CFAP100: variants seen among roughly 807,000 people sequenced by gnomAD.
CFAP100 encodes the protein cilia- and flagella-associated protein 100.
CFAP100 carries 70 observed loss-of-function variants against 81.5 expected under a neutral mutation model. The observed-to-expected ratio is 0.86, with a 90% CI of 0.71 to 1.05. The LOEUF (loss-of-function observed/expected upper bound fraction) is 1.05, where lower values mean the gene tolerates loss of function less well. Ranked by LOEUF, CFAP100 falls within the 50% of genes least tolerant of loss-of-function variation. The probability of loss-of-function intolerance (pLI) is 0.00; values close to 1 mark genes in which losing one functional copy is unlikely to be tolerated. For synonymous variants in CFAP100, 341 were observed against 314.8 expected (o/e 1.08, Z -0.88); for missense variants, 811 against 776.5 (o/e 1.04, Z -0.53).
intron 15 of CFAP100, among the ~76,000 whole-genome samples, chr3:126,435,247 T>C (rs1326252880): frequency 2.6e-5 from 4 of 152,058 alleles, no homozygotes; most frequent in Non-Finnish European, 4.4e-5. Flanking sequence ...GCCATGGGTG[T>C]AGATTCAGAG....
chr3:126,423,077 C>T (rs2083357625), intron 11 of CFAP100, among the ~76,000 whole-genome samples: 1 of 152,202 alleles, frequency 6.6e-6, no homozygotes, highest in Non-Finnish European at 1.5e-5. Context: ...AGGTCTGGAA[C>T]ATGGTTTGTC....
chr3:126,419,123 G>A lies in CFAP100; in HGVS notation c.698G>A (p.Arg233Gln), dbSNP rs78086677. The stretch of plus-strand genomic sequence containing the variant: ...AAGATAGAGAAGATCCTTGAGATCC[G>A]GGACCTCACCACCCAGATTGTTAAT... ...KAKIEKILEI[R>Q]DLTTQIVNIK... Residue 233 changes from arginine (R) to glutamine (Q), a missense_variant, in exon 8 of 17, where the codon CGG becomes CAG. By Grantham distance (43) the Arg-to-Gln change is conservative (BLOSUM62 1). Coordinates refer to ENST00000352312, the MANE Select transcript of CFAP100 (RefSeq NM_182628.3). 2,046 of 1,519,734 alleles carry A rather than the reference G, an allele frequency of 1.3e-3. 21 individuals are homozygous for A. The African/African-American group carries it at 0.025, about 18-fold the overall frequency. The allele number at this position is 1,519,734 out of a possible 1,614,324, so 94.1% of individuals were successfully genotyped here.
chr3:126,434,080 C>T (rs1933346789), intron 14 of CFAP100, 96 bp from the exon 15 acceptor site: 6 of 1,080,574 alleles, frequency 5.6e-6, no homozygotes, highest in South Asian at 3.0e-5. Context: ...AGCGGTGGCC[C>T]CCACCCTGGG....
At chr3:126,409,949 C>T (rs1044883544) in intron 3 of CFAP100, among the ~76,000 whole-genome samples, 1 of 152,128 alleles carries the variant, frequency 6.6e-6, no homozygotes, top group Non-Finnish European at 1.5e-5. Flanking sequence ...CCCTGTAATC[C>T]CAGCACTTTG....
At chr3:126,427,532 TTG>T (rs1231681364) in intron 13 of CFAP100, among the ~76,000 whole-genome samples, 1 of 152,202 alleles carries the variant, frequency 6.6e-6, no homozygotes, top group African/African-American at 2.4e-5. Context: ...GCAGATTTTT[TTG>T]TGTGTGGACG....
chr3:126,396,186 A>G, intron 2 of CFAP100, 137 bp downstream of exon 2: 1 of 678,760 alleles, frequency 1.5e-6, no homozygotes, highest in Admixed American at 2.4e-5. Context: ...CCTTGAAACA[A>G]GGCATATGGA....
At chr3:126,430,783 CTA>C in intron 13 of CFAP100, among the ~76,000 whole-genome samples, 1 of 151,684 alleles carries the variant, frequency 6.6e-6, no homozygotes, top group Middle Eastern at 3.4e-3. Context: ...TTTATGGTTT[CTA>C]TTTCTTTGTT....
chr3:126,415,821 A>T (rs2083227574), intron 4 of CFAP100, among the ~76,000 whole-genome samples: 2 of 152,072 alleles, frequency 1.3e-5, no homozygotes, highest in Non-Finnish European at 2.9e-5. Context: ...CTCCCAAGGG[A>T]GGGCTGGCTC....
intron 13 of CFAP100, among the ~76,000 whole-genome samples, chr3:126,430,734 A>C (rs993624064): frequency 2.0e-5 from 3 of 149,906 alleles, no homozygotes; most frequent in Non-Finnish European, 4.4e-5. Context: ...TTTTTGGTTC[A>C]GTCATTGCAT....
chr3:126,411,987 G>A (rs1065256), intron 3 of CFAP100, among the ~76,000 whole-genome samples: 1 of 152,096 alleles, frequency 6.6e-6, no homozygotes, highest in Non-Finnish European at 1.5e-5. Context: ...TCCTTGAGGT[G>A]TGACATGAGG....
intron 3 of CFAP100, among the ~76,000 whole-genome samples, chr3:126,410,504 C>CA (rs2083137630): frequency 1.3e-5 from 2 of 149,424 alleles, no homozygotes; most frequent in Non-Finnish European, 3.0e-5. Context: ...TTCTGCCTTT[C>CA]TTTTTTTTTT....
intron 13 of CFAP100, among the ~76,000 whole-genome samples, chr3:126,431,561 T>C (rs1196776761): frequency 6.6e-6 from 1 of 152,228 alleles, no homozygotes; most frequent in Non-Finnish European, 1.5e-5. Context: ...CCTTGAATTC[T>C]GGAGCTCTGA....
intron 3 of CFAP100, 70 bp from the exon 4 acceptor site, chr3:126,414,015 G>A (rs1032962271): frequency 5.9e-5 from 68 of 1,143,368 alleles, no homozygotes; most frequent in Admixed American, 8.5e-5. Flanking sequence ...AAGGCAGTGG[G>A]GCCCCAGAGA....
chr3:126,426,704 C>T (rs187967132), intron 13 of CFAP100, among the ~76,000 whole-genome samples: 24 of 152,224 alleles, frequency 1.6e-4, no homozygotes, highest in African/African-American at 4.8e-4. Flanking sequence ...GAGCTGAGAT[C>T]GCACCACTGC....
intron 13 of CFAP100, among the ~76,000 whole-genome samples, chr3:126,427,300 T>C (rs777919155): frequency 6.6e-6 from 1 of 152,190 alleles, no homozygotes; most frequent in Non-Finnish European, 1.5e-5. Context: ...GGTGAAAGAA[T>C]AGTGAAATAG....
At chr3:126,414,590 G>A (rs542436367) in intron 4 of CFAP100, among the ~76,000 whole-genome samples, 31 of 152,276 alleles carry the variant, frequency 2.0e-4, no homozygotes, top group African/African-American at 6.3e-4. Context: ...GCCTTGTGCC[G>A]TCCCTATGGC....
chr3:126,409,709 G>A (rs571387070), intron 3 of CFAP100, among the ~76,000 whole-genome samples: 3 of 152,170 alleles, frequency 2.0e-5, no homozygotes, highest in African/African-American at 4.8e-5. Context: ...TATAGTTCTG[G>A]GCCATTTGAT....
rs977996475 is a variant in CFAP100, at chr3:126,436,345, C to T, written c.1777C>T (p.Gln593Ter). 9 of 1,614,152 alleles carry T rather than the reference C, an allele frequency of 5.6e-6. No homozygotes were observed. Among genetic ancestry groups the T allele is most frequent in the Middle Eastern group, 1.7e-4 (1 of 6,054 alleles). The change falls in exon 17 of 17, where the codon CAG (glutamine) becomes TAG (stop). Residue 593 changes from glutamine (Q) to a stop codon, truncating the protein, a stop_gained. Coordinates refer to ENST00000352312, the MANE Select transcript of CFAP100 (RefSeq NM_182628.3). LOFTEE classifies it low-confidence loss of function (END_TRUNC). ...ACCCCCAGCCCACAGGATCAAACAA[C>T]AGTCTGAGCACACACTGATGGACAA... ...SRPPAHRIKQ[Q>*]SEHTLMDKEE...
chr3:126,418,346 C>A (rs2083274343), intron 5 of CFAP100, 112 bp from the exon 6 acceptor site: 1 of 860,150 alleles, frequency 1.2e-6, no homozygotes, highest in Non-Finnish European at 1.9e-6. Flanking sequence ...GTCACCTGGG[C>A]GTGGACGCAA....
Sources: allele counts gnomAD v4.1 joint callset (sites outside exome capture counted in the v4.1 genomes callset), GRCh38; gene constraint gnomAD v4.1.1; transcripts MANE v1.5; gene names NCBI Gene and HGNC (gene_info 2026-07-23, HGNC 2026-07-21).